SLC2A12: variants seen among roughly 807,000 people sequenced by gnomAD.
SLC2A12 encodes the protein solute carrier family 2, facilitated glucose transporter member 12.
SLC2A12 carries 23 observed loss-of-function variants against 41.8 expected under a neutral mutation model. That is an observed-to-expected ratio of 0.55 (90% CI 0.40 to 0.78). The LOEUF (loss-of-function observed/expected upper bound fraction) is 0.78, where lower values mean the gene tolerates loss of function less well. SLC2A12 is among the 30% of genes least tolerant of loss of function. The pLI is 0.00. For synonymous variants in SLC2A12, 295 were observed against 285.9 expected (o/e 1.03, Z -0.32); for missense variants, 654 against 745.6 (o/e 0.88, Z 1.43).
At chr6:134,038,353 C>CTTTTT (rs10584884) in intron 1 of SLC2A12, among the ~76,000 whole-genome samples, 6 of 97,518 alleles carry the variant, frequency 6.2e-5, no homozygotes, top group Non-Finnish European at 1.2e-4. Flanking sequence ...TTCTTTCTGC[C>CTTTTT]TTTTTTTTTT....
intron 1 of SLC2A12, among the ~76,000 whole-genome samples, chr6:134,035,722 T>C (rs1209965757): frequency 6.6e-6 from 1 of 152,204 alleles, no homozygotes; most frequent in East Asian, 1.9e-4. Flanking sequence ...CACCTTTCTG[T>C]CTCCACACTG....
intron 2 of SLC2A12, among the ~76,000 whole-genome samples, chr6:134,007,784 T>A (rs1307252361): frequency 6.6e-6 from 1 of 152,170 alleles, no homozygotes; most frequent in Non-Finnish European, 1.5e-5. Context: ...TCTCATTTGA[T>A]CCTCACAAAC....
intron 4 of SLC2A12, among the ~76,000 whole-genome samples, chr6:133,998,378 A>T (rs1333756016): frequency 6.6e-6 from 1 of 152,242 alleles, no homozygotes; most frequent in African/African-American, 2.4e-5. Context: ...TCTTAATCTT[A>T]TACAGAACAT....
intron 2 of SLC2A12, among the ~76,000 whole-genome samples, chr6:134,021,140 T>C (rs1384782654): frequency 2.0e-5 from 3 of 152,158 alleles, no homozygotes; most frequent in Admixed American, 6.5e-5. Context: ...GCAAAAAGCC[T>C]CGTGATGGTG....
chr6:134,036,084 A>G (rs1357848050), intron 1 of SLC2A12, among the ~76,000 whole-genome samples: 2 of 152,204 alleles, frequency 1.3e-5, no homozygotes, highest in East Asian at 3.9e-4. Flanking sequence ...TTTATTGCAT[A>G]TGGACATAAT....
Position 134,038,700 on chromosome 6 carries a change from CTTTTTTTTTTTTTTTTT to C in SLC2A12, c.104-8996_104-8980del, listed in dbSNP as rs200794350. 8.3e-4 allele frequency among the ~76,000 whole-genome samples: 68 copies of C among 82,112 alleles called. 1 individual carries two copies. The highest frequency in any genetic ancestry group is 4.2e-3 in the African/African-American group (66 of 15,706). The allele number at this position is 82,112 out of a possible 152,430, so 53.9% of individuals were successfully genotyped here. ...CTTTTATCCTTTCTTCCTTTCTTTC[CTTTTTTTTTTTTTTTTT>C]TTTTTTTTTACAAATTCTCGCTCTT... On this transcript the variant is annotated intron_variant, in intron 1 of 4. Coordinates refer to ENST00000275230, the MANE Select transcript of SLC2A12 (RefSeq NM_145176.3).
chr6:134,017,356 C>T (rs1776975396), intron 2 of SLC2A12, among the ~76,000 whole-genome samples: 1 of 152,144 alleles, frequency 6.6e-6, no homozygotes, highest in South Asian at 2.1e-4. Flanking sequence ...ATCAAGATAT[C>T]CAGTCCCAGA....
At chr6:134,008,140 G>A (rs1003839402) in intron 2 of SLC2A12, among the ~76,000 whole-genome samples, 1 of 152,166 alleles carries the variant, frequency 6.6e-6, no homozygotes. Flanking sequence ...AGAGGGGATG[G>A]GAAGAAGAAA....
intron 2 of SLC2A12, among the ~76,000 whole-genome samples, chr6:134,025,088 C>T (rs1777096471): frequency 6.6e-6 from 1 of 152,164 alleles, no homozygotes; most frequent in African/African-American, 2.4e-5. Flanking sequence ...GACTATTTCT[C>T]TATTTTGCAA....
intron 4 of SLC2A12, among the ~76,000 whole-genome samples, chr6:133,997,043 A>C (rs140649438): frequency 2.4e-3 from 348 of 145,822 alleles, no homozygotes; most frequent in African/African-American, 8.1e-3. Flanking sequence ...AGATCGAGAC[A>C]ATCCTGGCTA....
intron 1 of SLC2A12, among the ~76,000 whole-genome samples, chr6:134,046,543 A>G (rs1014111644): frequency 6.6e-6 from 1 of 152,180 alleles, no homozygotes; most frequent in South Asian, 2.1e-4. Context: ...CCTCACGCCT[A>G]TAATCCCAGC....
chr6:133,991,098 C>T lies in SLC2A12; in HGVS notation c.*57G>A. The stretch of plus-strand genomic sequence containing the variant: ...CAGGAGTCGCAACTATGCATTGGTC[C>T]AAAGACACCCTCCTAAGTGTTCTGG... On this transcript the variant is annotated 3_prime_UTR_variant, in exon 5 of 5. Coordinates refer to ENST00000275230, the MANE Select transcript of SLC2A12 (RefSeq NM_145176.3). The T allele has an allele frequency of 2.6e-6, 4 of 1,555,336 alleles. No individual in the cohort carries two copies. The highest frequency in any genetic ancestry group is 3.5e-6 in the Non-Finnish European group (4 of 1,154,120).
chr6:134,015,609 C>G (rs1776949975), intron 2 of SLC2A12, among the ~76,000 whole-genome samples: 1 of 152,162 alleles, frequency 6.6e-6, no homozygotes, highest in Non-Finnish European at 1.5e-5. Flanking sequence ...AGAGAAAAAG[C>G]CTTTGACTGT....
chr6:134,033,584 C>T (rs570773528), intron 1 of SLC2A12, among the ~76,000 whole-genome samples: 6 of 152,176 alleles, frequency 3.9e-5, no homozygotes, highest in African/African-American at 1.4e-4. Flanking sequence ...AATGGACCAC[C>T]TGGGAGGCCA....
At chr6:134,007,961 C>A (rs1352334332) in intron 2 of SLC2A12, among the ~76,000 whole-genome samples, 1 of 152,162 alleles carries the variant, frequency 6.6e-6, no homozygotes, top group African/African-American at 2.4e-5. Flanking sequence ...TTGATAGTGA[C>A]TCAATAAATA....
rs1219284943 is a variant in SLC2A12 at position 133,989,631 on chromosome 6, T to TG, written c.*1523dup. On this transcript the variant is annotated 3_prime_UTR_variant, in exon 5 of 5. Transcript: ENST00000275230. ...ATCTCCTTTCCTTTTAGCTTCCCCC[T>TG]GCCAATTTTTATACAGATAATACAC... The TG allele has an allele frequency of 1.3e-5, 2 of 152,182 alleles. No homozygotes were observed. Among genetic ancestry groups the TG allele is most frequent in the East Asian group, 3.9e-4 (2 of 5,194 alleles). 9.4% of individuals were successfully genotyped at this position (152,182 alleles called of 1,614,324 possible).
rs916595382 is a variant in SLC2A12, at chr6:133,991,191, A to G, written c.1818T>C (p.Gly606=). Residue 606 remains glycine, a synonymous_variant, in exon 5 of 5, where the codon GGT becomes GGC. Coordinates refer to ENST00000275230, the MANE Select transcript of SLC2A12 (RefSeq NM_145176.3). ...EQLLECNKLC[G]RGQSRQLSPE... ...GAGAAAGCTGCCTGGATTGGCCCCT[A>G]CCACACAGCTTGTTACACTCCAAGA... 1.9e-6 allele frequency: 3 copies of G among 1,613,856 alleles called. No individual in the cohort carries two copies. The highest frequency in any genetic ancestry group is 1.6e-4 in the Middle Eastern group (1 of 6,082).
intron 2 of SLC2A12, among the ~76,000 whole-genome samples, chr6:134,007,958 T>A (rs371571508): frequency 2.0e-5 from 3 of 152,320 alleles, no homozygotes; most frequent in South Asian, 4.1e-4. Context: ...TTATTGATAG[T>A]GACTCAATAA....
intron 4 of SLC2A12, among the ~76,000 whole-genome samples, chr6:133,999,268 A>G (rs1776728395): frequency 6.6e-6 from 1 of 152,230 alleles, no homozygotes; most frequent in African/African-American, 2.4e-5. Flanking sequence ...TAGGAACAGA[A>G]GGAGAAATCA....
Sources: allele counts gnomAD v4.1 joint callset (sites outside exome capture counted in the v4.1 genomes callset), GRCh38; gene constraint gnomAD v4.1.1; transcripts MANE v1.5; gene names NCBI Gene and HGNC (gene_info 2026-07-23, HGNC 2026-07-21).